Variants in ASB7 observed in about 807,000 individuals in gnomAD.
The protein encoded by ASB7 is ankyrin repeat and SOCS box containing 7.
In ASB7, 4 loss-of-function variants were observed where a neutral mutation model predicts 32.5. The observed-to-expected ratio is 0.12, with a 90% CI of 0.06 to 0.28. The LOEUF (loss-of-function observed/expected upper bound fraction) is 0.28, where lower values mean the gene tolerates loss of function less well. Among genes scored for constraint, ASB7 ranks in the 10% least tolerant of loss-of-function variants. ASB7 has a pLI of 1.00. For synonymous variants in ASB7, 172 were observed against 155.6 expected, an observed-to-expected ratio of 1.11 and a Z score of -0.78; for missense variants, 181 against 407.1, an observed-to-expected ratio of 0.44 and a Z score of 4.78.
intron 5 of ASB7, among the ~76,000 whole-genome samples, chr15:100,642,604 A>G (rs2039968797): frequency 6.6e-6 from 1 of 152,072 alleles, no homozygotes; most frequent in South Asian, 2.1e-4. Context: ...CCCCACTTTC[A>G]GGTCCCAGAG....
rs369018735 is a variant in ASB7, at chr15:100,649,362, G to A, written c.*900G>A. On this transcript the variant is annotated 3_prime_UTR_variant, in exon 6 of 6. Coordinates refer to ENST00000332783, the MANE Select transcript of ASB7 (RefSeq NM_198243.3). ...AGTTGTCACTGCAGAGCCATCGTAT[G>A]TCAGTTGCAATTTCCATCTGAAGCT... is the stretch of plus-strand genomic sequence containing the variant. The A allele has an allele frequency of 3.9e-5, 6 of 152,172 alleles. No homozygotes were observed. The highest frequency in any genetic ancestry group is 2.6e-4 in the Admixed American group (4 of 15,280). The allele number at this position is 152,172 out of a possible 1,614,324, so 9.4% of individuals were successfully genotyped here.
At chr15:100,634,820 G>C (rs955870916) in intron 5 of ASB7, among the ~76,000 whole-genome samples, 7 of 152,120 alleles carry the variant, frequency 4.6e-5, no homozygotes, top group African/African-American at 1.7e-4. Flanking sequence ...AAGAAAGAAA[G>C]AAAGAAATAG....
Position 100,651,455 on chromosome 15 carries a change from A to C in ASB7, c.*2993A>C, listed in dbSNP as rs1290318084. ...GAGGGACTCTAGCATGACTCGTCAG[A>C]TGCACACCCCAAGAGACAAGAATGT... On this transcript the variant is annotated 3_prime_UTR_variant, in exon 6 of 6. Coordinates refer to ENST00000332783, the MANE Select transcript of ASB7 (RefSeq NM_198243.3). 6.6e-6 allele frequency: 1 copy of C among 152,176 alleles called. No homozygotes were observed. The highest frequency in any genetic ancestry group is 1.5e-5 in the Non-Finnish European group (1 of 68,034). The allele number at this position is 152,176 out of a possible 1,614,324, so 9.4% of individuals were successfully genotyped here.
intron 5 of ASB7, chr15:100,630,346 A>G (rs2039874563): frequency 2.8e-6 from 1 of 353,908 alleles, no homozygotes; most frequent in African/African-American, 2.2e-5. Context: ...AGAACAAGGC[A>G]ATTCCTGTTG....
intron 2 of ASB7, 39 bp from the exon 3 acceptor site, chr15:100,609,668 A>T (rs569302414): frequency 3.9e-5 from 6 of 152,356 alleles, no homozygotes; most frequent in East Asian, 1.9e-4. Context: ...TATTATTTTA[A>T]GGAATTTTCC....
chr15:100,642,937 G>C (rs138627923), intron 5 of ASB7, among the ~76,000 whole-genome samples: 2 of 152,354 alleles, frequency 1.3e-5, no homozygotes, highest in African/African-American at 4.8e-5. Context: ...CCTGGAGGCT[G>C]AGGCAGGAGA....
At chr15:100,631,081 G>A (rs537863406) in intron 5 of ASB7, among the ~76,000 whole-genome samples, 5 of 152,236 alleles carry the variant, frequency 3.3e-5, no homozygotes, top group East Asian at 1.9e-4. Context: ...AATGTAATTT[G>A]AATTTTGCAG....
Position 100,629,537 on chromosome 15 carries a change from A to G in ASB7, c.312A>G (p.Glu104=), listed in dbSNP as rs1331377743. The stretch of plus-strand genomic sequence containing the variant: ...TTGCACGCTTGATGTTAGAATCTGA[A>G]TACAGGAGCGACATCATTAATGCAA... ...ARIARLMLES[E]YRSDIINAKS... Residue 104 remains glutamate (E), a synonymous_variant, in exon 5 of 6, where the codon GAA becomes GAG. Coordinates refer to ENST00000332783, the MANE Select transcript of ASB7 (RefSeq NM_198243.3). The surrounding 1 kb of genome is among the most constrained non-coding windows in gnomAD (Gnocchi z 6.8). 6.2e-7 allele frequency: 1 copy of G among 1,614,086 alleles called. No homozygotes were observed. Among genetic ancestry groups the G allele is most frequent in the Non-Finnish European group, 8.5e-7 (1 of 1,180,028 alleles).
intron 5 of ASB7, among the ~76,000 whole-genome samples, chr15:100,633,231 G>A (rs2039897063): frequency 6.6e-6 from 1 of 151,852 alleles, no homozygotes; most frequent in East Asian, 1.9e-4. Flanking sequence ...AAAAAGAATG[G>A]AATGAATAAA....
chr15:100,611,899 C>A lies in ASB7; in HGVS notation c.-51-267C>A, dbSNP rs4965324. 0.99 allele frequency among the ~76,000 whole-genome samples: 146,922 copies of A among 148,852 alleles called. 72,530 individuals are homozygous for A. Among genetic ancestry groups the A allele is most frequent in the East Asian group, 1 (4,950 of 4,950 alleles). On this transcript the variant is annotated intron_variant, in intron 3 of 5. Transcript: ENST00000332783. ...CAGTGTTGCTATCATGGCTCACTGC[C>A]GCTTTGATCTCCTGGGTTCAGGTCG...
intron 4 of ASB7, among the ~76,000 whole-genome samples, chr15:100,614,340 G>A (rs895738153): frequency 9.2e-5 from 14 of 151,688 alleles, no homozygotes; most frequent in Admixed American, 2.0e-4. Flanking sequence ...GTGTGGTTTT[G>A]AACATCAATG....
intron 5 of ASB7, among the ~76,000 whole-genome samples, chr15:100,636,823 T>A (rs980582189): frequency 2.6e-5 from 4 of 152,080 alleles, no homozygotes. Context: ...TTCTCAAGAT[T>A]GTTTTAGGTG....
At chr15:100,646,377 T>C in intron 5 of ASB7, 1 of 380,620 alleles carries the variant, frequency 2.6e-6, no homozygotes, top group East Asian at 6.3e-5. Flanking sequence ...TTCATTCTGG[T>C]TGGGGTGCGG....
chr15:100,603,310 A>G lies in ASB7; in HGVS notation c.-177A>G. On this transcript the variant is annotated 5_prime_UTR_variant, in exon 2 of 6. Transcript: ENST00000332783. ...AGTGCCTCTGACCAGCATCGTCTGT[A>G]AAGGTAATGAGCCAGCCCTCCCCTC... is the stretch of plus-strand genomic sequence containing the variant. 3.6e-6 allele frequency: 1 copy of G among 279,192 alleles called. No homozygotes were observed. The highest frequency in any genetic ancestry group is 6.3e-5 in the East Asian group (1 of 15,986). The allele number at this position is 279,192 out of a possible 1,614,324, so 17.3% of individuals were successfully genotyped here. A position where few individuals can be genotyped will look rare whatever the true frequency, so the allele number is the denominator to read the frequency against.
At chr15:100,605,920 A>T (rs2039640857) in intron 2 of ASB7, among the ~76,000 whole-genome samples, 1 of 152,250 alleles carries the variant, frequency 6.6e-6, no homozygotes, top group Non-Finnish European at 1.5e-5. Flanking sequence ...TAAGTTGTGC[A>T]TGGTAATAAA....
intron 5 of ASB7, among the ~76,000 whole-genome samples, chr15:100,645,035 G>A (rs1352800306): frequency 1.3e-5 from 2 of 152,210 alleles, no homozygotes; most frequent in East Asian, 3.8e-4. Context: ...TTATGAAGAA[G>A]TACTTCCTTT....
intron 4 of ASB7, among the ~76,000 whole-genome samples, chr15:100,624,195 TGGGTTCCATTTGTTAGAAGAAA>T (rs2039817850): frequency 6.6e-6 from 1 of 152,192 alleles, no homozygotes; most frequent in Non-Finnish European, 1.5e-5. Context: ...GGTTGGTTAA[TGGGTTCCATTTGTTAGAAGAAA>T]GAAGTTCTGA....
intron 4 of ASB7, among the ~76,000 whole-genome samples, chr15:100,623,237 A>G (rs1192205311): frequency 6.6e-6 from 1 of 152,116 alleles, no homozygotes; most frequent in Non-Finnish European, 1.5e-5. Flanking sequence ...CATCTCTACT[A>G]AAAATACAAA....
At chr15:100,624,845 A>T (rs2039823710) in intron 4 of ASB7, among the ~76,000 whole-genome samples, 1 of 152,234 alleles carries the variant, frequency 6.6e-6, no homozygotes, top group Admixed American at 6.5e-5. Flanking sequence ...AATATTTTTC[A>T]TGACAATAGA....
Sources: gnomAD v4.1 joint callset for allele counts (sites outside exome capture counted in the v4.1 genomes callset) on GRCh38, gnomAD v4.1.1 for gene constraint, Gnocchi (gnomAD v3.1) non-coding constraint, MANE v1.5 for transcripts, NCBI Gene and HGNC (gene_info 2026-07-23, HGNC 2026-07-21) for gene names.